The following PCDHGB1 variants were observed in gnomAD, a reference collection of about 807,000 sequenced individuals.
PCDHGB1 encodes protocadherin gamma subfamily B, 1, also known as protocadherin gamma-B1.
PCDHGB1 carries 34 observed loss-of-function variants against 56.6 expected under a neutral mutation model. The ratio of observed to expected loss-of-function variants is 0.60; its 90% CI spans 0.46 to 0.80. PCDHGB1 has a LOEUF of 0.80. PCDHGB1 is among the 30% of genes least tolerant of loss of function. The probability of loss-of-function intolerance (pLI) is 0.00; values close to 1 mark genes in which losing one functional copy is unlikely to be tolerated. For synonymous variants in PCDHGB1, 561 were observed against 505.9 expected, an observed-to-expected ratio of 1.11 and a Z score of -1.46; for missense variants, 1,278 against 1,204.6, an observed-to-expected ratio of 1.06 and a Z score of -0.90.
intron 1 of PCDHGB1, among the ~76,000 whole-genome samples, chr5:141,474,464 T>C (rs373468290): frequency 6.6e-6 from 1 of 152,252 alleles, no homozygotes; most frequent in African/African-American, 2.4e-5. Context: ...CTATACTCTT[T>C]ATTCTAAATT....
Position 141,490,012 on chromosome 5 carries a change from G to A in PCDHGB1, c.2410-4795G>A. 1 of 1,614,232 alleles carries A rather than the reference G, an allele frequency of 6.2e-7. No homozygotes were observed. Among genetic ancestry groups the A allele is most frequent in the Non-Finnish European group, 8.5e-7 (1 of 1,180,044 alleles). ...GGGAATCCCAGAGAATGCACCCATT[G>A]GTACTCTGCTGCTCCGCCTCAATGC... is the stretch of plus-strand genomic sequence containing the variant. On this transcript the variant is annotated intron_variant, in intron 1 of 3. Transcript: ENST00000523390. This position sits in a 1 kb window ranked among gnomAD's most constrained non-coding sequence, Gnocchi z 5.4.
At position 141,404,169 on chromosome 5, in the gene PCDHGB1, C is replaced by A; in HGVS notation, c.2409+51500C>A. On this transcript the variant is annotated intron_variant, in intron 1 of 3. Transcript: ENST00000523390. Reference sequence around the variant, plus strand: ...GAAGAAGATTATTACAGATTGTTGACGGCCCAAATTCTTGACCGAGAAAAA... The same window carrying A: ...GAAGAAGATTATTACAGATTGTTGAAGGCCCAAATTCTTGACCGAGAAAAA... 1 of 1,612,736 alleles carries A rather than the reference C, an allele frequency of 6.2e-7. No individual in the cohort carries two copies. The highest frequency in any genetic ancestry group is 8.5e-7 in the Non-Finnish European group (1 of 1,179,276).
At chr5:141,463,335 A>G (rs565781645) in intron 1 of PCDHGB1, among the ~76,000 whole-genome samples, 3 of 149,628 alleles carry the variant, frequency 2.0e-5, no homozygotes, top group South Asian at 2.1e-4. Context: ...CAGCAAAACC[A>G]TGGTGTTATT....
chr5:141,425,890 G>A (rs943076854), intron 1 of PCDHGB1, among the ~76,000 whole-genome samples: 1 of 152,118 alleles, frequency 6.6e-6, no homozygotes, highest in Non-Finnish European at 1.5e-5. Flanking sequence ...AATCTTCTTT[G>A]GTAGTAAACA....
At chr5:141,387,637 G>A (rs1397986235) in intron 1 of PCDHGB1, 14 of 603,144 alleles carry the variant, frequency 2.3e-5, no homozygotes, top group Non-Finnish European at 3.7e-5. Context: ...GGGCGCCGCT[G>A]TTGGCCAAAG....
At chr5:141,509,481 A>G (rs2099877035) in intron 3 of PCDHGB1, among the ~76,000 whole-genome samples, 1 of 152,010 alleles carries the variant, frequency 6.6e-6, no homozygotes, top group Admixed American at 6.6e-5. Flanking sequence ...TGAGGGGTAG[A>G]GGTGATGGCA....
intron 1 of PCDHGB1, among the ~76,000 whole-genome samples, chr5:141,459,971 A>G (rs1458539493): frequency 2.6e-5 from 4 of 152,208 alleles, no homozygotes; most frequent in Non-Finnish European, 5.9e-5. Flanking sequence ...CCAGCTACTC[A>G]GGAGGCTGAG....
intron 1 of PCDHGB1, chr5:141,374,319 C>A: frequency 6.2e-7 from 1 of 1,613,942 alleles, no homozygotes; most frequent in Non-Finnish European, 8.5e-7. Flanking sequence ...TCTCTGAATC[C>A]GCGAAACGGC....
chr5:141,386,911 G>A (rs1312159511), intron 1 of PCDHGB1, among the ~76,000 whole-genome samples: 2 of 152,190 alleles, frequency 1.3e-5, no homozygotes, highest in South Asian at 2.1e-4. Flanking sequence ...AGGTCACCAA[G>A]GAATGTAAAA....
At chr5:141,451,954 G>A (rs2098729151) in intron 1 of PCDHGB1, among the ~76,000 whole-genome samples, 1 of 152,084 alleles carries the variant, frequency 6.6e-6, no homozygotes, top group Non-Finnish European at 1.5e-5. Flanking sequence ...CCGAGAAAGT[G>A]ACATACCATC....
intron 1 of PCDHGB1, chr5:141,392,992 C>T (rs1233401263): frequency 1.2e-6 from 2 of 1,613,700 alleles, no homozygotes; most frequent in Non-Finnish European, 8.5e-7. Flanking sequence ...CGGAAGCTGG[C>T]GAAGCACGGA....
intron 1 of PCDHGB1, chr5:141,408,159 C>T (rs1408291996): frequency 3.9e-5 from 59 of 1,516,228 alleles, no homozygotes; most frequent in Non-Finnish European, 5.2e-5. Context: ...AGTGCACTTT[C>T]TCCAACTGGA....
intron 1 of PCDHGB1, chr5:141,419,684 G>A (rs1286646418): frequency 5.4e-5 from 87 of 1,612,770 alleles, no homozygotes; most frequent in Non-Finnish European, 7.3e-5. Flanking sequence ...CTACCACGTG[G>A]TGCAGGCCAG....
chr5:141,444,152 ATTTTTTTTTTTTTTTTTTTTTTTTT>A (rs747671382), intron 1 of PCDHGB1, among the ~76,000 whole-genome samples: 1 of 33,882 alleles, frequency 3.0e-5, no homozygotes, highest in Non-Finnish European at 5.2e-5. Context: ...TGTGTACTGG[ATTTTTTTTTTTTTTTTTTTTTTTTT>A]TTTTTTTTTT....
Position 141,414,697 on chromosome 5 carries a change from T to A in PCDHGB1, c.2409+62028T>A, listed in dbSNP as rs748722995. The A allele has an allele frequency of 9.3e-6, 15 of 1,614,036 alleles. No homozygotes were observed. Among genetic ancestry groups the A allele is most frequent in the Non-Finnish European group, 1.3e-5 (15 of 1,179,930 alleles). ...CATCCAGGGGGTACCTCTGTCCTCA[T>A]ACATATCCATCAACTCAGACACTGG... is the stretch of plus-strand genomic sequence containing the variant. On this transcript the variant is annotated intron_variant, in intron 1 of 3. Transcript: ENST00000523390.
chr5:141,469,436 G>A (rs556417221), intron 1 of PCDHGB1, among the ~76,000 whole-genome samples: 11 of 152,118 alleles, frequency 7.2e-5, no homozygotes, highest in East Asian at 1.9e-4. Flanking sequence ...TTAGCTGGGC[G>A]TGGTGGTGCA....
intron 1 of PCDHGB1, chr5:141,410,121 A>G (rs1239244343): frequency 1.9e-6 from 3 of 1,612,642 alleles, no homozygotes; most frequent in Non-Finnish European, 2.5e-6. Flanking sequence ...GCAGCCCGCC[A>G]GCGCCTGCTG....
At chr5:141,366,097 C>G in intron 1 of PCDHGB1, 2 of 1,614,240 alleles carry the variant, frequency 1.2e-6, no homozygotes, top group African/African-American at 1.3e-5. Flanking sequence ...ACCTGGTGAC[C>G]AAGGTGGTAG....
intron 1 of PCDHGB1, chr5:141,384,384 C>T (rs142665639): frequency 6.2e-7 from 1 of 1,613,816 alleles, no homozygotes; most frequent in Non-Finnish European, 8.5e-7. Flanking sequence ...CCGAAGACAC[C>T]ATCCAGGGGG....
Sources: gnomAD v4.1 joint callset for allele counts (sites outside exome capture counted in the v4.1 genomes callset) on GRCh38, gnomAD v4.1.1 for gene constraint, Gnocchi (gnomAD v3.1) non-coding constraint, MANE v1.5 for transcripts, NCBI Gene and HGNC (gene_info 2026-07-23, HGNC 2026-07-21) for gene names.